The following PRDM16 variants were observed in gnomAD, a reference collection of about 807,000 sequenced individuals.
PRDM16 encodes PR/SET domain 16, also known as histone-lysine N-methyltransferase PRDM16.
A neutral mutation model predicts 110.6 loss-of-function variants in PRDM16; 23 were observed. The ratio of observed to expected loss-of-function variants is 0.21; its 90% CI spans 0.15 to 0.29. The LOEUF is 0.29. Among genes scored for constraint, PRDM16 ranks in the 10% least tolerant of loss-of-function variants. The pLI is 1.00. For missense variants in PRDM16, 1,615 were observed against 1,794.3 expected (o/e 0.90, Z 1.81); for synonymous variants, 799 against 781.8 (o/e 1.02, Z -0.37).
chr1:3,227,316 C>T (rs557120506), intron 2 of PRDM16, among the ~76,000 whole-genome samples: 13 of 152,374 alleles, frequency 8.5e-5, no homozygotes, highest in Admixed American at 3.3e-4. Context: ...ATGAAAGAGC[C>T]TTTGGCCAAG....
chr1:3,123,508 A>C (rs1643140422), intron 1 of PRDM16, among the ~76,000 whole-genome samples: 1 of 152,034 alleles, frequency 6.6e-6, no homozygotes, highest in African/African-American at 2.4e-5. Flanking sequence ...CTACATAAAC[A>C]CCTGCCCCAC....
intron 3 of PRDM16, among the ~76,000 whole-genome samples, chr1:3,254,169 T>C (rs1173237899): frequency 6.6e-6 from 1 of 152,244 alleles, no homozygotes; most frequent in Non-Finnish European, 1.5e-5. Context: ...CTGTTCACTC[T>C]GATGGTAGTT....
chr1:3,304,596 C>T (rs925372560), intron 3 of PRDM16, among the ~76,000 whole-genome samples: 1 of 152,188 alleles, frequency 6.6e-6, no homozygotes, highest in Non-Finnish European at 1.5e-5. Context: ...TGCATGTCCA[C>T]ACGAGGAGCA....
intron 1 of PRDM16, among the ~76,000 whole-genome samples, chr1:3,159,574 A>G (rs962011965): frequency 8.5e-5 from 13 of 152,116 alleles, no homozygotes; most frequent in Non-Finnish European, 1.3e-4. Flanking sequence ...TAAAGACCTC[A>G]TCTCCACATG....
Position 3,437,820 on chromosome 1 carries a change from G to C in PRDM16, c.*4009G>C, listed in dbSNP as rs1282588540. ...ACGTGTGATTCACTTGTGAACAAAA[G>C]TCATTCTAACAATTGCCTTCAGCGT... On this transcript the variant is annotated 3_prime_UTR_variant, in exon 17 of 17. Transcript: ENST00000270722. The C allele has an allele frequency of 4.6e-6, 1 of 217,546 alleles. No homozygotes were observed. Among genetic ancestry groups the C allele is most frequent in the African/African-American group, 2.2e-5 (1 of 44,446 alleles). The allele number at this position is 217,546 out of a possible 1,614,324, so 13.5% of individuals were successfully genotyped here.
At chr1:3,415,811 G>T (rs1284949051) in intron 10 of PRDM16, among the ~76,000 whole-genome samples, 1 of 152,224 alleles carries the variant, frequency 6.6e-6, no homozygotes, top group East Asian at 1.9e-4. Flanking sequence ...AGAGAGAGAT[G>T]ACTAATAAGT....
At chr1:3,259,355 C>T (rs990268849) in intron 3 of PRDM16, among the ~76,000 whole-genome samples, 3 of 152,314 alleles carry the variant, frequency 2.0e-5, no homozygotes, top group Admixed American at 2.0e-4. Context: ...CGTGGCAGCA[C>T]CCTCCGTGTG....
At chr1:3,384,605 G>A (rs1307559701) in intron 3 of PRDM16, among the ~76,000 whole-genome samples, 1 of 152,248 alleles carries the variant, frequency 6.6e-6, no homozygotes, top group Admixed American at 6.5e-5. Flanking sequence ...ACAGCTAGGC[G>A]TCTTCATGCT....
At position 3,192,430 on chromosome 1, in the gene PRDM16, C is replaced by T. The variant is rs541011196; in HGVS notation, c.387+5956C>T. On this transcript the variant is annotated intron_variant, in intron 2 of 16. Transcript: ENST00000270722. ...GGAGGAGACCCTAAGGAGTCAGCCC[C>T]TACATCCAGACCTCATGCTCTGGCC... Among the ~76,000 whole-genome samples, 5 of 152,322 alleles carry T rather than the reference C, an allele frequency of 3.3e-5. No individual in the cohort carries two copies. In the South Asian group the frequency reaches 8.3e-4, roughly 25 times the overall value.
chr1:3,399,134 C>G (rs1190067263), intron 5 of PRDM16, among the ~76,000 whole-genome samples: 5 of 152,232 alleles, frequency 3.3e-5, no homozygotes, highest in African/African-American at 1.2e-4. Context: ...TTCGTGAGAA[C>G]TTTTTGCTCT....
chr1:3,409,841 G>GGTGTATGTGCGTGTGTGTA (rs1557659588), intron 8 of PRDM16, among the ~76,000 whole-genome samples: 1 of 141,456 alleles, frequency 7.1e-6, no homozygotes, highest in East Asian at 2.2e-4. Flanking sequence ...GTGGGTGTGT[G>GGTGTATGTGCGTGTGTGTA]GTGTGGGTGT....
intron 3 of PRDM16, among the ~76,000 whole-genome samples, chr1:3,362,522 T>G (rs1298462631): frequency 6.6e-6 from 1 of 150,690 alleles, no homozygotes; most frequent in Non-Finnish European, 1.5e-5. Flanking sequence ...TCGGGTGTCA[T>G]CGGGGTCCAC....
At position 3,358,638 on chromosome 1, in the gene PRDM16, G is replaced by A. The variant is rs528981476; in HGVS notation, c.439-26514G>A. Among the ~76,000 whole-genome samples, 129 of 152,250 alleles carry A rather than the reference G, an allele frequency of 8.5e-4. No individual in the cohort carries two copies. Among genetic ancestry groups the A allele is most frequent in the East Asian group, 1.9e-3 (10 of 5,164 alleles). On this transcript the variant is annotated intron_variant, in intron 3 of 16. Coordinates refer to ENST00000270722, the MANE Select transcript of PRDM16 (RefSeq NM_022114.4). The surrounding 1 kb of genome is among the most constrained non-coding windows in gnomAD (Gnocchi z 4.0). ...CTCCGAAGAGCTCAGAAACATCTCCGATTGGAACACGACACAGACCATCCT... is the reference window on the plus strand; with the variant it reads ...CTCCGAAGAGCTCAGAAACATCTCCAATTGGAACACGACACAGACCATCCT...
intron 1 of PRDM16, among the ~76,000 whole-genome samples, chr1:3,170,617 C>T (rs1279777082): frequency 1.3e-5 from 2 of 152,196 alleles, no homozygotes; most frequent in African/African-American, 4.8e-5. Flanking sequence ...GCCTCCGCAG[C>T]TCCCCACCCC....
At chr1:3,083,400 C>G (rs1019056435) in intron 1 of PRDM16, among the ~76,000 whole-genome samples, 4 of 152,238 alleles carry the variant, frequency 2.6e-5, no homozygotes, top group Non-Finnish European at 4.4e-5. Flanking sequence ...TGCTGTGTGC[C>G]GGGCGGGCAG....
intron 3 of PRDM16, among the ~76,000 whole-genome samples, chr1:3,369,225 C>A (rs1298457471): frequency 6.6e-6 from 1 of 152,180 alleles, no homozygotes; most frequent in Non-Finnish European, 1.5e-5. Context: ...ATTTGTCATT[C>A]AAAACTGACT....
At chr1:3,427,749 CG>C (rs1557671123) in intron 14 of PRDM16, among the ~76,000 whole-genome samples, 2 of 152,086 alleles carry the variant, frequency 1.3e-5, no homozygotes, top group South Asian at 2.1e-4. Context: ...GAGGAAGGGG[CG>C]GGGGGAGAAG....
chr1:3,399,635 A>G (rs1643436479), intron 5 of PRDM16, among the ~76,000 whole-genome samples: 1 of 152,160 alleles, frequency 6.6e-6, no homozygotes, highest in Admixed American at 6.5e-5. Flanking sequence ...CGTCCAGGGC[A>G]CCCTCCAAGG....
intron 1 of PRDM16, among the ~76,000 whole-genome samples, chr1:3,085,771 C>T (rs2742679): frequency 0.86 from 130,818 of 152,274 alleles, 56,282 homozygotes; most frequent in East Asian, 0.98. Flanking sequence ...ACCTTCTGGG[C>T]CACAGGTCGG....
Sources: allele counts gnomAD v4.1 joint callset (sites outside exome capture counted in the v4.1 genomes callset), GRCh38; gene constraint gnomAD v4.1.1; non-coding constraint Gnocchi (gnomAD v3.1); transcripts MANE v1.5; gene names NCBI Gene and HGNC (gene_info 2026-07-23, HGNC 2026-07-21).